The following RAB6B variants were observed in gnomAD, a reference collection of about 807,000 sequenced individuals.
RAB6B encodes ras-related protein Rab-6B.
RAB6B carries 7 observed loss-of-function variants against 31.2 expected under a neutral mutation model. The ratio of observed to expected loss-of-function variants is 0.22; its 90% CI spans 0.13 to 0.42. The LOEUF (loss-of-function observed/expected upper bound fraction) is 0.42, where lower values mean the gene tolerates loss of function less well. Among genes scored for constraint, RAB6B ranks in the 10% least tolerant of loss-of-function variants. The pLI is 1.00. For synonymous variants in RAB6B, 105 were observed against 104.9 expected (o/e 1.00, Z -0.01); for missense variants, 149 against 280.6 (o/e 0.53, Z 3.35).
At chr3:133,841,414 T>C (rs369403586) in intron 3 of RAB6B, 24 bp from the exon 4 acceptor site, 18 of 1,612,244 alleles carry the variant, frequency 1.1e-5, no homozygotes, top group Middle Eastern at 1.6e-4. Flanking sequence ...GGCAGGACCA[T>C]GGGCAGAGGG....
intron 1 of RAB6B, among the ~76,000 whole-genome samples, chr3:133,881,853 T>C (rs1263734842): frequency 6.6e-6 from 1 of 152,228 alleles, no homozygotes; most frequent in East Asian, 1.9e-4. Flanking sequence ...GGTGTCACCT[T>C]CCTCTAAAAT....
chr3:133,895,572 G>T lies in RAB6B; in HGVS notation c.-106C>A, dbSNP rs528495223. 9.5e-6 allele frequency: 11 copies of T among 1,161,824 alleles called. No homozygotes were observed. In the Admixed American group the frequency reaches 1.5e-4, roughly 16 times the overall value. 72.0% of individuals were successfully genotyped at this position (1,161,824 alleles called of 1,614,324 possible). A position where few individuals can be genotyped will look rare whatever the true frequency, so the allele number is the denominator to read the frequency against. Reference sequence around the variant, plus strand: ...GGCGGCCGGCGGTGCGGGAGCCGGAGGGGGAAGGGCTGGCTGCGCGCGTCC... The same window carrying T: ...GGCGGCCGGCGGTGCGGGAGCCGGATGGGGAAGGGCTGGCTGCGCGCGTCC... On this transcript the variant is annotated 5_prime_UTR_variant, in exon 1 of 8. Coordinates refer to ENST00000285208, the MANE Select transcript of RAB6B (RefSeq NM_016577.4).
chr3:133,841,761 G>T (rs1003282935), intron 2 of RAB6B, 98 bp from the exon 3 acceptor site: 16 of 1,219,748 alleles, frequency 1.3e-5, no homozygotes, highest in Non-Finnish European at 1.8e-5. Context: ...AGCAAGAGGG[G>T]ACGCTCATGT....
chr3:133,839,918 C>A (rs915553172), intron 4 of RAB6B, among the ~76,000 whole-genome samples: 1 of 152,102 alleles, frequency 6.6e-6, no homozygotes, highest in African/African-American at 2.4e-5. Flanking sequence ...GCTTTAGGGG[C>A]CCACCTGAGA....
chr3:133,891,951 G>C (rs898814071), intron 1 of RAB6B, among the ~76,000 whole-genome samples: 1 of 152,196 alleles, frequency 6.6e-6, no homozygotes, highest in Non-Finnish European at 1.5e-5. Flanking sequence ...CTTGGGGAAG[G>C]GGAGGTCAGA....
At chr3:133,849,799 C>T (rs747223548) in intron 2 of RAB6B, among the ~76,000 whole-genome samples, 2 of 152,150 alleles carry the variant, frequency 1.3e-5, no homozygotes, top group Non-Finnish European at 2.9e-5. Flanking sequence ...TTCAGCAGAG[C>T]CCACTTAAGG....
intron 6 of RAB6B, among the ~76,000 whole-genome samples, chr3:133,835,452 T>C (rs1332631939): frequency 6.7e-6 from 1 of 149,002 alleles, no homozygotes; most frequent in Non-Finnish European, 1.5e-5. Flanking sequence ...AAGGTGTGTG[T>C]CTGCGTACAT....
At chr3:133,829,013 A>G (rs918610550) in intron 7 of RAB6B, among the ~76,000 whole-genome samples, 161 bp from the exon 8 acceptor site, 3 of 151,958 alleles carry the variant, frequency 2.0e-5, no homozygotes, top group African/African-American at 7.3e-5. Flanking sequence ...TACCAACTCC[A>G]CCTTGCCTCC....
At chr3:133,884,544 C>T (rs1222542404) in intron 1 of RAB6B, among the ~76,000 whole-genome samples, 1 of 152,202 alleles carries the variant, frequency 6.6e-6, no homozygotes, top group Non-Finnish European at 1.5e-5. Flanking sequence ...TGGAACCCAG[C>T]AGACAGGCAT....
rs1429759825 is a variant in RAB6B, at chr3:133,826,386, T to G, written c.*2402A>C. 1.3e-5 allele frequency: 2 copies of G among 152,240 alleles called. No homozygotes were observed. Among genetic ancestry groups the G allele is most frequent in the Non-Finnish European group, 1.5e-5 (1 of 68,040 alleles). The allele number at this position is 152,240 out of a possible 1,614,324, so 9.4% of individuals were successfully genotyped here. On this transcript the variant is annotated 3_prime_UTR_variant, in exon 8 of 8. Transcript: ENST00000285208. ...GAAGGGAACTGAGTTTCTACTGTTT[T>G]ATGGGATGTTTTTTTAAAAAAGCTA... is the stretch of plus-strand genomic sequence containing the variant.
At chr3:133,850,430 A>G (rs1330121485) in intron 2 of RAB6B, among the ~76,000 whole-genome samples, 3 of 152,238 alleles carry the variant, frequency 2.0e-5, no homozygotes, top group Non-Finnish European at 4.4e-5. Context: ...TCATATAACT[A>G]TGCTCAAATA....
At chr3:133,841,494 C>T (rs1408421615) in intron 3 of RAB6B, 104 bp from the exon 4 acceptor site, 1 of 1,530,202 alleles carries the variant, frequency 6.5e-7, no homozygotes, top group Non-Finnish European at 9.0e-7. Flanking sequence ...GCTGGCATCA[C>T]CAGCTCCAGC....
At chr3:133,885,368 G>A (rs1486033961) in intron 1 of RAB6B, among the ~76,000 whole-genome samples, 1 of 151,814 alleles carries the variant, frequency 6.6e-6, no homozygotes, top group Non-Finnish European at 1.5e-5. Flanking sequence ...CAGAGGACGG[G>A]GGACTCACAC....
chr3:133,878,642 T>A (rs1432984401), intron 1 of RAB6B, among the ~76,000 whole-genome samples: 2 of 152,242 alleles, frequency 1.3e-5, no homozygotes. Context: ...ATGTAAGATC[T>A]TTCTATTATT....
At chr3:133,851,349 G>A (rs771744735) in intron 2 of RAB6B, among the ~76,000 whole-genome samples, 5 of 152,214 alleles carry the variant, frequency 3.3e-5, no homozygotes, top group African/African-American at 1.2e-4. Context: ...AAACAAAAAT[G>A]ATTCAGGACC....
chr3:133,828,654 ACTCCT>A lies in RAB6B; in HGVS notation c.*129_*133del. 3.7e-6 allele frequency: 3 copies of A among 808,118 alleles called. No homozygotes were observed. Among genetic ancestry groups the A allele is most frequent in the Non-Finnish European group, 6.4e-6 (3 of 470,490 alleles). 50.1% of individuals were successfully genotyped at this position (808,118 alleles called of 1,614,324 possible). A position where few individuals can be genotyped will look rare whatever the true frequency, so the allele number is the denominator to read the frequency against. On this transcript the variant is annotated 3_prime_UTR_variant, in exon 8 of 8. Transcript: ENST00000285208. ...CCAGCCTCCCTCCCCATCCCACCCT[ACTCCT>A]AAAGACAGAGAGAAAAGAAAAATCC...
chr3:133,825,108 T>C lies in RAB6B; in HGVS notation c.*3680A>G, dbSNP rs1374203011. 2.6e-5 allele frequency: 4 copies of C among 152,130 alleles called. No homozygotes were observed. The East Asian group carries it at 7.7e-4, about 29-fold the overall frequency. The allele number at this position is 152,130 out of a possible 1,614,324, so 9.4% of individuals were successfully genotyped here. A position where few individuals can be genotyped will look rare whatever the true frequency, so the allele number is the denominator to read the frequency against. On this transcript the variant is annotated 3_prime_UTR_variant, in exon 8 of 8. Coordinates refer to ENST00000285208, the MANE Select transcript of RAB6B (RefSeq NM_016577.4). ...CTCGGTTGATGCACACAGACATCCT[T>C]CTGTTCAGCTGCCCCTCAAGTGGCT... is the stretch of plus-strand genomic sequence containing the variant.
chr3:133,895,314 G>A (rs1383825928), intron 1 of RAB6B, 83 bp downstream of exon 1: 1 of 1,465,752 alleles, frequency 6.8e-7, no homozygotes, highest in African/African-American at 1.4e-5. Context: ...TTCCGAGCCT[G>A]GGCCGGGGGT....
intron 1 of RAB6B, among the ~76,000 whole-genome samples, chr3:133,867,999 C>T (rs994037611): frequency 2.2e-4 from 34 of 152,108 alleles, no homozygotes; most frequent in Non-Finnish European, 2.8e-4. Flanking sequence ...CAGTGGTATC[C>T]GAGACCCTTG....
Sources: gnomAD v4.1 joint callset for allele counts (sites outside exome capture counted in the v4.1 genomes callset) on GRCh38, gnomAD v4.1.1 for gene constraint, MANE v1.5 for transcripts, NCBI Gene and HGNC (gene_info 2026-07-23, HGNC 2026-07-21) for gene names.